Variants in TFDP1 observed in about 807,000 individuals in gnomAD.
TFDP1 encodes the protein DRTF1-polypeptide 1.
TFDP1 carries 6 observed loss-of-function variants against 48.0 expected under a neutral mutation model. The ratio of observed to expected loss-of-function variants is 0.13; its 90% confidence interval spans 0.07 to 0.25. The LOEUF is 0.25. Among genes scored for constraint, TFDP1 ranks in the 10% least tolerant of loss-of-function variants. The probability of loss-of-function intolerance (pLI) is 1.00; values close to 1 mark genes in which losing one functional copy is unlikely to be tolerated. For missense variants in TFDP1, 335 were observed against 543.0 expected (o/e 0.62, Z 3.81); for synonymous variants, 201 against 211.6 (o/e 0.95, Z 0.44).
chr13:113,619,586 G>A (rs1010216852), intron 3 of TFDP1, among the ~76,000 whole-genome samples: 3 of 151,856 alleles, frequency 2.0e-5, no homozygotes, highest in Non-Finnish European at 4.4e-5. Flanking sequence ...GGTCTGAGAT[G>A]TATTCAGGGA....
chr13:113,633,009 G>A lies in TFDP1; in HGVS notation c.309-111G>A, dbSNP rs1225498357. ...GTTGGATCTGCTGCGCCCGTGGGAC[G>A]TGGCCCCTTTTTGTGCAGCTCATTA... On this transcript the variant is annotated intron_variant, in intron 5 of 11. Transcript: ENST00000375370. The surrounding 1 kb of genome is among the most constrained non-coding windows in gnomAD (Gnocchi z 4.5). The A allele has an allele frequency of 6.6e-6, 9 of 1,371,222 alleles. No individual in the cohort carries two copies. Among genetic ancestry groups the A allele is most frequent in the Non-Finnish European group, 9.0e-6 (9 of 996,878 alleles). The allele number at this position is 1,371,222 out of a possible 1,614,324, so 84.9% of individuals were successfully genotyped here.
chr13:113,594,148 G>A (rs1185472007), intron 2 of TFDP1, among the ~76,000 whole-genome samples: 1 of 140,726 alleles, frequency 7.1e-6, no homozygotes, highest in Non-Finnish European at 1.5e-5. Context: ...TGGTGTGCGC[G>A]GGTCCTCAGC....
rs1021347920 is a variant in TFDP1, at chr13:113,623,616, C to T, written c.186+330C>T. 6.6e-6 allele frequency among the ~76,000 whole-genome samples: 1 copy of T among 152,204 alleles called. No individual in the cohort carries two copies. The highest frequency in any genetic ancestry group is 2.4e-5 in the African/African-American group (1 of 41,458). ...TTTAGTGTCAGAGCTCGAAGCTCTT[C>T]ATCTAACAGGGGCTTCTTACGTGAT... is the stretch of plus-strand genomic sequence containing the variant. On this transcript the variant is annotated intron_variant, in intron 4 of 11. Coordinates refer to ENST00000375370, the MANE Select transcript of TFDP1 (RefSeq NM_007111.5). This position sits in a 1 kb window ranked among gnomAD's most constrained non-coding sequence, Gnocchi z 5.2.
At chr13:113,610,485 GGTT>G (rs2048683227) in intron 2 of TFDP1, among the ~76,000 whole-genome samples, 3 of 148,274 alleles carry the variant, frequency 2.0e-5, no homozygotes, top group South Asian at 2.1e-4. Context: ...CCCGCTGTGT[GGTT>G]GTGCCATCAC....
At chr13:113,596,876 T>C (rs1398965243) in intron 2 of TFDP1, among the ~76,000 whole-genome samples, 1 of 152,208 alleles carries the variant, frequency 6.6e-6, no homozygotes, top group Admixed American at 6.5e-5. Flanking sequence ...TGGGCATTTG[T>C]TCCCTGGAGC....
At chr13:113,631,036 G>A (rs1045753099) in intron 4 of TFDP1, among the ~76,000 whole-genome samples, 1 of 152,216 alleles carries the variant, frequency 6.6e-6, no homozygotes, top group Non-Finnish European at 1.5e-5. Flanking sequence ...CCCAGACAGG[G>A]CCCCAGGGCA....
At chr13:113,621,792 G>T (rs1566662798) in intron 3 of TFDP1, among the ~76,000 whole-genome samples, 1 of 152,220 alleles carries the variant, frequency 6.6e-6, no homozygotes, top group Non-Finnish European at 1.5e-5. Context: ...CCGGGAAAGG[G>T]AGTTTAGAGA....
chr13:113,599,529 T>G (rs1003532691), intron 2 of TFDP1, among the ~76,000 whole-genome samples: 2 of 152,254 alleles, frequency 1.3e-5, no homozygotes, highest in African/African-American at 4.8e-5. Flanking sequence ...GGCTGAATGT[T>G]CATCCTTCGA....
At chr13:113,619,799 G>C (rs978964198) in intron 3 of TFDP1, among the ~76,000 whole-genome samples, 1 of 152,220 alleles carries the variant, frequency 6.6e-6, no homozygotes, top group African/African-American at 2.4e-5. Flanking sequence ...TGCTGGGTTG[G>C]TGTGGTGTGC....
At chr13:113,625,189 T>C (rs546603789) in intron 4 of TFDP1, among the ~76,000 whole-genome samples, 5 of 126,584 alleles carry the variant, frequency 3.9e-5, no homozygotes, top group East Asian at 2.6e-4. Flanking sequence ...TGTCCTCAGG[T>C]GTCTCTCACT....
At chr13:113,600,846 C>T (rs1328912605) in intron 2 of TFDP1, among the ~76,000 whole-genome samples, 1 of 144,190 alleles carries the variant, frequency 6.9e-6, no homozygotes, top group East Asian at 2.0e-4. Context: ...CGTAGAACTC[C>T]AGGACCGTGA....
rs146290860 is a variant in TFDP1 at position 113,617,963 on chromosome 13, A to G, written c.80-5217A>G. On this transcript the variant is annotated intron_variant, in intron 3 of 11. Transcript: ENST00000375370. Reference sequence around the variant, plus strand: ...GCAACTGAGACCATATATATTCTTAACTAGTTTTCTTCCCAAGAAAGGAAT... The same window carrying G: ...GCAACTGAGACCATATATATTCTTAGCTAGTTTTCTTCCCAAGAAAGGAAT... Among the ~76,000 whole-genome samples, 368 of 152,332 alleles carry G rather than the reference A, an allele frequency of 2.4e-3. 3 individuals carry two copies. The highest frequency in any genetic ancestry group is 8.4e-3 in the African/African-American group (350 of 41,580).
intron 5 of TFDP1, 147 bp downstream of exon 5, chr13:113,631,891 T>C: frequency 2.5e-6 from 3 of 1,187,786 alleles, no homozygotes; most frequent in Non-Finnish European, 3.5e-6. Flanking sequence ...TCACCCATCA[T>C]CGTGGCCTGC....
chr13:113,625,166 GGTGTCTCTCAC>G (rs1348973710), intron 4 of TFDP1, among the ~76,000 whole-genome samples: 2 of 111,936 alleles, frequency 1.8e-5, no homozygotes, highest in South Asian at 3.0e-4. Context: ...GTGTCTCTCA[GGTGTCTCTCAC>G]GTGTCCTCAG....
intron 3 of TFDP1, among the ~76,000 whole-genome samples, chr13:113,616,749 C>T (rs373223455): frequency 2.9e-4 from 44 of 152,266 alleles, no homozygotes; most frequent in African/African-American, 1.0e-3. Context: ...ACTAACTGTG[C>T]CCCTTGCCCC....
chr13:113,621,326 T>C (rs1397562881), intron 3 of TFDP1, among the ~76,000 whole-genome samples: 2 of 152,140 alleles, frequency 1.3e-5, no homozygotes, highest in East Asian at 1.9e-4. Context: ...TATTTTCAAA[T>C]GGGGGGCTAT....
chr13:113,595,503 C>G (rs1245510350), intron 2 of TFDP1, among the ~76,000 whole-genome samples: 2 of 152,136 alleles, frequency 1.3e-5, no homozygotes, highest in Non-Finnish European at 2.9e-5. Flanking sequence ...TGGTGCTTTA[C>G]AGGAAAGGCG....
chr13:113,610,487 T>C (rs4150726), intron 2 of TFDP1, among the ~76,000 whole-genome samples: 3 of 132,508 alleles, frequency 2.3e-5, no homozygotes, highest in East Asian at 2.3e-4. Flanking sequence ...CGCTGTGTGG[T>C]TGTGCCATCA....
intron 3 of TFDP1, among the ~76,000 whole-genome samples, chr13:113,611,856 T>C (rs2048716286): frequency 6.6e-6 from 1 of 152,170 alleles, no homozygotes; most frequent in Non-Finnish European, 1.5e-5. Flanking sequence ...AGAGCTTGCT[T>C]TGTCCCAAGA....
Sources: gnomAD v4.1 joint callset for allele counts (sites outside exome capture counted in the v4.1 genomes callset) on GRCh38, gnomAD v4.1.1 for gene constraint, Gnocchi (gnomAD v3.1) non-coding constraint, MANE v1.5 for transcripts, NCBI Gene and HGNC (gene_info 2026-07-23, HGNC 2026-07-21) for gene names.